DLG3: variants seen among roughly 807,000 people sequenced by gnomAD.
The protein encoded by DLG3 is discs large MAGUK scaffold protein 3, also known as disks large homolog 3.
DLG3 carries 1 observed loss-of-function variant against 64.1 expected under a neutral mutation model. The observed-to-expected ratio is 0.02, with a 90% CI of 0.01 to 0.07. The LOEUF is 0.07. Ranked by LOEUF, DLG3 falls within the 10% of genes least tolerant of loss-of-function variation. The probability of loss-of-function intolerance (pLI) is 1.00; values close to 1 mark genes in which losing one functional copy is unlikely to be tolerated. For synonymous variants in DLG3, 245 were observed against 259.8 expected (o/e 0.94, Z 0.55); for missense variants, 429 against 669.5 (o/e 0.64, Z 3.96).
intron 9 of DLG3, among the ~76,000 whole-genome samples, chrX:70,476,329 G>A (rs1266299457): frequency 9.0e-6 from 1 of 111,556 alleles, no homozygotes; most frequent in Non-Finnish European, 1.9e-5. Context: ...CTGGTCAGGT[G>A]GGCTTCCTAG....
rs1180586484 is a variant in DLG3, at chrX:70,445,077, C to A, written c.-125C>A. On this transcript the variant is annotated 5_prime_UTR_variant, in exon 1 of 19. Transcript: ENST00000374360. ...CGGGCGCCCCCACGGGTGCCCCCCCCTTCTTGGTCCGAGCAGTGTGAGTGT... is the reference window on the plus strand; with the variant it reads ...CGGGCGCCCCCACGGGTGCCCCCCCATTCTTGGTCCGAGCAGTGTGAGTGT... The A allele has an allele frequency of 1.9e-6, 1 of 521,510 alleles. No homozygotes were observed. Among genetic ancestry groups the A allele is most frequent in the Non-Finnish European group, 2.8e-6 (1 of 357,126 alleles). The allele number at this position is 521,510 out of a possible 1,213,427, so 43.0% of individuals were successfully genotyped here. A position where few individuals can be genotyped will look rare whatever the true frequency, so the allele number is the denominator to read the frequency against.
chrX:70,459,971 C>T (rs2086773767), intron 9 of DLG3, among the ~76,000 whole-genome samples: 1 of 111,245 alleles, frequency 9.0e-6, no homozygotes, highest in South Asian at 3.8e-4. Context: ...GTGCCAGAAG[C>T]TGTCAACAAA....
At chrX:70,499,800 A>G in intron 15 of DLG3, 77 bp from the exon 16 acceptor site, 1 of 1,076,922 alleles carries the variant, frequency 9.3e-7, no homozygotes, top group Non-Finnish European at 1.3e-6. Flanking sequence ...CCCAGATGAG[A>G]ATGGACCAGT....
chrX:70,499,862 C>T lies in DLG3; in HGVS notation c.1973-15C>T. 8.3e-7 allele frequency: 1 copy of T among 1,200,161 alleles called. No homozygotes were observed. The highest frequency in any genetic ancestry group is 2.3e-4 in the Middle Eastern group (1 of 4,323). On this transcript the variant is annotated splice_polypyrimidine_tract_variant and intron_variant, in intron 15 of 18. Coordinates refer to ENST00000374360, the MANE Select transcript of DLG3 (RefSeq NM_021120.4). ...ACTGCCCCTGGGCCACAAAGCATTT[C>T]CTTTCTTCCTTCAGATACTACCCGG...
intron 14 of DLG3, 139 bp downstream of exon 14, chrX:70,498,709 C>A (rs753463105): frequency 1.7e-4 from 99 of 579,734 alleles, no homozygotes; most frequent in Non-Finnish European, 2.5e-4. Context: ...CCCCTGGGCT[C>A]CTTCTTCTCT....
At chrX:70,477,229 G>C (rs964853802) in intron 9 of DLG3, among the ~76,000 whole-genome samples, 3 of 112,578 alleles carry the variant, frequency 2.7e-5, no homozygotes, top group Non-Finnish European at 5.6e-5. Context: ...TTCAAGAAGG[G>C]GAAAACATGG....
At chrX:70,453,609 C>A in intron 7 of DLG3, 28 bp from the exon 8 acceptor site, 1 of 1,204,914 alleles carries the variant, frequency 8.3e-7, no homozygotes. Flanking sequence ...TCTACCTAGT[C>A]CTGACTCCTC....
At chrX:70,462,041 CCCCCCCCCA>C (rs1338922692) in intron 9 of DLG3, among the ~76,000 whole-genome samples, 4 of 75,657 alleles carry the variant, frequency 5.3e-5, no homozygotes, top group Non-Finnish European at 1.0e-4. Context: ...CACTCCTCAT[CCCCCCCCCA>C]CCGCCCCCCC....
intron 9 of DLG3, among the ~76,000 whole-genome samples, chrX:70,474,724 A>G (rs2087024988): frequency 8.9e-6 from 1 of 111,988 alleles, no homozygotes; most frequent in Admixed American, 9.4e-5. Flanking sequence ...CACCTTTTCT[A>G]TTATAATGCA....
chrX:70,469,818 A>C (rs7054968), intron 9 of DLG3, among the ~76,000 whole-genome samples: 37,525 of 110,598 alleles, frequency 0.34, 6,151 homozygotes, highest in African/African-American at 0.64. Flanking sequence ...AGGAACCTAA[A>C]CCACAATTCA....
rs2086604107 is a variant in DLG3 at position 70,450,171 on chromosome X, C to T, written c.706C>T (p.Leu236=). 1 of 1,211,219 alleles carries T rather than the reference C, an allele frequency of 8.3e-7. No homozygotes were observed. Among genetic ancestry groups the T allele is most frequent in the East Asian group, 3.0e-5 (1 of 33,811 alleles). The change falls in exon 5 of 19, where the codon CTG becomes TTG. Residue 236 remains leucine, a splice_region_variant and synonymous_variant. Transcript: ENST00000374360. ...ACCTCCTGCTGGCTCCCGCTCAGGC[C>T]TGGGTTTCAGCATTGCTGGGGGTAT... ...EVNLLKGPKG[L]GFSIAGGIGN... is the part of the protein sequence containing the mutation.
At chrX:70,447,687 G>A (rs1430774556) in intron 1 of DLG3, among the ~76,000 whole-genome samples, 2 of 112,378 alleles carry the variant, frequency 1.8e-5, no homozygotes, top group African/African-American at 3.2e-5. Flanking sequence ...AGAGAAAGGT[G>A]GGGGAGGGGT....
At chrX:70,447,609 C>G (rs762976670) in intron 1 of DLG3, among the ~76,000 whole-genome samples, 182 of 111,819 alleles carry the variant, frequency 1.6e-3, no homozygotes, top group African/African-American at 5.7e-3. Context: ...TGGAGGAGCC[C>G]CCACCCTGGT....
intron 9 of DLG3, chrX:70,455,891 G>A (rs150210554): frequency 9.0e-6 from 1 of 111,516 alleles, no homozygotes; most frequent in Non-Finnish European, 1.9e-5. Context: ...CGCGATGAGA[G>A]GGGGAGAGGC....
intron 9 of DLG3, among the ~76,000 whole-genome samples, chrX:70,477,695 A>G (rs2087079451): frequency 8.9e-6 from 1 of 112,103 alleles, no homozygotes; most frequent in Non-Finnish European, 1.9e-5. Flanking sequence ...AATGAGGACA[A>G]ATCACCATAA....
chrX:70,473,157 C>CAAAAAAAAAAAA (rs59440260), intron 9 of DLG3, among the ~76,000 whole-genome samples: 1 of 42,178 alleles, frequency 2.4e-5, no homozygotes, highest in Non-Finnish European at 4.6e-5. Flanking sequence ...AACTCCGTCT[C>CAAAAAAAAAAAA]AAAAAAAAAA....
In DLG3 at chrX:70,450,065, G is replaced by C. The variant is rs766212047; in HGVS notation, c.704-104G>C. On this transcript the variant is annotated intron_variant, in intron 4 of 18. Transcript: ENST00000374360. ...TTTGGATCCCCCGGGGGGAGCTCCTGTGGGGCCAGTGGGTTGGCTGGGGGA... is the reference window on the plus strand; with the variant it reads ...TTTGGATCCCCCGGGGGGAGCTCCTCTGGGGCCAGTGGGTTGGCTGGGGGA... 2.8e-6 allele frequency: 3 copies of C among 1,084,304 alleles called. No homozygotes were observed. The African/African-American group carries it at 5.5e-5, about 20-fold the overall frequency. 89.4% of individuals were successfully genotyped at this position (1,084,304 alleles called of 1,213,427 possible).
intron 4 of DLG3, 107 bp from the exon 5 acceptor site, chrX:70,450,062 C>G: frequency 1.9e-6 from 2 of 1,080,566 alleles, no homozygotes; most frequent in Non-Finnish European, 2.5e-6. Flanking sequence ...GGGGGGAGCT[C>G]CTGTGGGGCC....
chrX:70,499,179 A>G lies in DLG3; in HGVS notation c.1874A>G (p.His625Arg), dbSNP rs1327804543. 2 of 1,202,265 alleles carry G rather than the reference A, an allele frequency of 1.7e-6. No homozygotes were observed. The highest frequency in any genetic ancestry group is 2.3e-6 in the Non-Finnish European group (2 of 887,819). ...SYEPVTRQEI[H>R]YARPVIILGP... is the part of the protein sequence containing the mutation. ...TCTCGATGCTCTCCCTCTCTAGTTC[A>G]CTATGCAAGGCCTGTGATCATCCTG... The change falls in exon 15 of 19, where the codon CAC (histidine) becomes CGC (arginine). Residue 625 changes from histidine to arginine, a missense_variant. This residue lies in a region of DLG3 where 46 missense variants were observed against 64.4 expected (regional missense o/e 0.71). Coordinates refer to ENST00000374360, the MANE Select transcript of DLG3 (RefSeq NM_021120.4).
Sources: gnomAD v4.1 joint callset for allele counts (sites outside exome capture counted in the v4.1 genomes callset) on GRCh38, gnomAD v4.1.1 for gene constraint, gnomAD v4.1.1 regional missense constraint, MANE v1.5 for transcripts, NCBI Gene and HGNC (gene_info 2026-07-23, HGNC 2026-07-21) for gene names.